Variants in ABHD10 observed in about 807,000 individuals in gnomAD.
ABHD10 encodes abhydrolase domain containing 10, depalmitoylase, also known as palmitoyl-protein thioesterase ABHD10, mitochondrial.
Under a neutral mutation model 33.1 loss-of-function variants are expected in ABHD10, and 22 were observed. The observed-to-expected ratio is 0.66, with a 90% CI of 0.47 to 0.95. The LOEUF is 0.95. Ranked by LOEUF, ABHD10 falls within the 40% of genes least tolerant of loss-of-function variation. ABHD10 has a pLI of 0.00. For synonymous variants in ABHD10, 146 were observed against 133.9 expected (o/e 1.09, Z -0.62); for missense variants, 352 against 379.9 (o/e 0.93, Z 0.61).
intron 4 of ABHD10, among the ~76,000 whole-genome samples, chr3:111,989,901 G>A (rs545791629): frequency 9.5e-4 from 144 of 151,744 alleles, no homozygotes; most frequent in African/African-American, 3.3e-3. Context: ...TATTTTTTAA[G>A]TTCTTGTTTT....
In ABHD10 at chr3:111,979,120, G is replaced by A. The variant is rs748865433; in HGVS notation, c.59G>A (p.Trp20Ter). ...AAWVPCRSWG[W>*]AAVPFGPHRG... The stretch of plus-strand genomic sequence containing the variant: ...TGGGTACCTTGTCGGAGCTGGGGCT[G>A]GGCAGCCGTCCCCTTCGGTCCCCAC... The change falls in exon 1 of 5, where the codon TGG (tryptophan) becomes TAG (stop). Residue 20 changes from tryptophan to a stop codon, truncating the protein, a stop_gained. Transcript: ENST00000273359. LOFTEE classifies it high-confidence loss of function. 4 of 1,613,394 alleles carry A rather than the reference G, an allele frequency of 2.5e-6. No homozygotes were observed. Among genetic ancestry groups the A allele is most frequent in the Non-Finnish European group, 3.4e-6 (4 of 1,179,856 alleles).
At chr3:111,987,245 A>G (rs952069115) in intron 4 of ABHD10, among the ~76,000 whole-genome samples, 194 bp downstream of exon 4, 1 of 152,182 alleles carries the variant, frequency 6.6e-6, no homozygotes, top group Admixed American at 6.5e-5. Context: ...CTTGTTTAAG[A>G]TTTCGTTTCT....
At position 111,991,947 on chromosome 3, in the gene ABHD10, A is replaced by T; in HGVS notation, c.*226A>T. 2.4e-6 allele frequency: 1 copy of T among 415,052 alleles called. No homozygotes were observed. The highest frequency in any genetic ancestry group is 4.3e-5 in the East Asian group (1 of 23,350). The allele number at this position is 415,052 out of a possible 1,614,324, so 25.7% of individuals were successfully genotyped here. A position where few individuals can be genotyped will look rare whatever the true frequency, so the allele number is the denominator to read the frequency against. On this transcript the variant is annotated 3_prime_UTR_variant, in exon 5 of 5. Transcript: ENST00000273359. ...CTTCTGTCCTTGATTTTTTTTCATTAAAGTATTTCCTTTTTTTAATTCAAG... is the reference window on the plus strand; with the variant it reads ...CTTCTGTCCTTGATTTTTTTTCATTTAAGTATTTCCTTTTTTTAATTCAAG...
intron 1 of ABHD10, among the ~76,000 whole-genome samples, chr3:111,980,044 G>A (rs2072561325): frequency 6.6e-6 from 1 of 152,190 alleles, no homozygotes; most frequent in Non-Finnish European, 1.5e-5. Context: ...ATTTCATCTA[G>A]TTAGCACTTA....
At chr3:111,980,960 A>C (rs946614545) in intron 1 of ABHD10, among the ~76,000 whole-genome samples, 1 of 152,126 alleles carries the variant, frequency 6.6e-6, no homozygotes, top group Non-Finnish European at 1.5e-5. Context: ...CTCCTTTGAA[A>C]CAATTTTGCA....
At position 111,991,427 on chromosome 3, in the gene ABHD10, C is replaced by T; in HGVS notation, c.627C>T (p.Tyr209=). ...MKGVWSMPSK[Y]SEEGVYNVQY... is the part of the protein sequence containing the mutation. The stretch of plus-strand genomic sequence containing the variant: ...GTGTGTGGAGCATGCCATCAAAATA[C>T]TCTGAAGAAGGAGTTTATAACGTTC... The change falls in exon 5 of 5, where the codon TAC becomes TAT. Residue 209 remains tyrosine, a synonymous_variant. Coordinates refer to ENST00000273359, the MANE Select transcript of ABHD10 (RefSeq NM_018394.4). The T allele has an allele frequency of 6.2e-7, 1 of 1,613,238 alleles. No homozygotes were observed.
At chr3:111,991,322 T>G in intron 4 of ABHD10, 55 bp from the exon 5 acceptor site, 1 of 1,458,310 alleles carries the variant, frequency 6.9e-7, no homozygotes, top group Non-Finnish European at 9.4e-7. Flanking sequence ...CTATTGCATG[T>G]GTTAATGTTG....
intron 1 of ABHD10, 124 bp downstream of exon 1, chr3:111,979,327 AC>A (rs1489425988): frequency 5.3e-5 from 62 of 1,166,460 alleles, no homozygotes; most frequent in Non-Finnish European, 6.9e-5. Flanking sequence ...CTTTCTCAAC[AC>A]CCCAGTTCTA....
chr3:111,991,128 C>A (rs2072734454), intron 4 of ABHD10, among the ~76,000 whole-genome samples: 1 of 152,048 alleles, frequency 6.6e-6, no homozygotes, highest in Admixed American at 6.6e-5. Flanking sequence ...TTTATCTAAA[C>A]CATAATATCC....
chr3:111,979,314 C>G (rs941064818), intron 1 of ABHD10, 111 bp downstream of exon 1: 1 of 1,299,378 alleles, frequency 7.7e-7, no homozygotes, highest in African/African-American at 1.5e-5. Context: ...AATGCTCCTC[C>G]CCCTTTCTCA....
In ABHD10 at chr3:111,991,813, CTTTCCTCTAT is replaced by C; in HGVS notation, c.*96_*105del. 1 of 1,000,888 alleles carries C rather than the reference CTTTCCTCTAT, an allele frequency of 1.0e-6. No individual in the cohort carries two copies. Among genetic ancestry groups the C allele is most frequent in the Middle Eastern group, 2.3e-4 (1 of 4,344 alleles). The allele number at this position is 1,000,888 out of a possible 1,614,324, so 62.0% of individuals were successfully genotyped here. ...AGATCCTGATACTTTAGGTTTTTCC[CTTTCCTCTAT>C]TTTGTAAATATAAGATGAGTATTAT... On this transcript the variant is annotated 3_prime_UTR_variant, in exon 5 of 5. Coordinates refer to ENST00000273359, the MANE Select transcript of ABHD10 (RefSeq NM_018394.4).
chr3:111,988,775 C>T (rs536681450), intron 4 of ABHD10, among the ~76,000 whole-genome samples: 4 of 151,760 alleles, frequency 2.6e-5, no homozygotes, highest in South Asian at 2.1e-4. Flanking sequence ...TTTTTTGTAG[C>T]GATGGGGTCT....
chr3:111,981,740 C>CT, intron 1 of ABHD10, 44 bp from the exon 2 acceptor site: 3 of 1,434,276 alleles, frequency 2.1e-6, no homozygotes, highest in Non-Finnish European at 2.8e-6. Flanking sequence ...TTTCCAAAGA[C>CT]TGAGTTTACA....
chr3:111,981,701 A>C, intron 1 of ABHD10, 83 bp from the exon 2 acceptor site: 2 of 1,234,186 alleles, frequency 1.6e-6, no homozygotes, highest in Non-Finnish European at 2.2e-6. Context: ...CATTGAGATA[A>C]GAAAGTTAAG....
intron 2 of ABHD10, among the ~76,000 whole-genome samples, chr3:111,984,633 A>T (rs1453447390): frequency 6.6e-6 from 1 of 152,194 alleles, no homozygotes; most frequent in Non-Finnish European, 1.5e-5. Context: ...AAATGACCAG[A>T]ATATAATGGT....
chr3:111,990,396 G>A (rs902940790), intron 4 of ABHD10, among the ~76,000 whole-genome samples: 10 of 151,824 alleles, frequency 6.6e-5, no homozygotes, highest in African/African-American at 2.4e-4. Context: ...GACAAATATT[G>A]GAAGGAAATA....
chr3:111,988,110 AAAG>A (rs2072692945), intron 4 of ABHD10, among the ~76,000 whole-genome samples: 1 of 152,340 alleles, frequency 6.6e-6, no homozygotes, highest in South Asian at 2.1e-4. Flanking sequence ...ATTTAAAAAA[AAAG>A]AAGAAAAAAC....
At chr3:111,984,043 T>A (rs2072621129) in intron 2 of ABHD10, among the ~76,000 whole-genome samples, 1 of 152,172 alleles carries the variant, frequency 6.6e-6, no homozygotes, top group Non-Finnish European at 1.5e-5. Context: ...GTATTTTGCA[T>A]CCTCACCATA....
At chr3:111,989,838 G>T (rs2072719905) in intron 4 of ABHD10, among the ~76,000 whole-genome samples, 1 of 151,348 alleles carries the variant, frequency 6.6e-6, no homozygotes. Context: ...AGTCTTTTTG[G>T]AATTAAAAAT....
Sources: gnomAD v4.1 joint callset for allele counts (sites outside exome capture counted in the v4.1 genomes callset) on GRCh38, gnomAD v4.1.1 for gene constraint, MANE v1.5 for transcripts, NCBI Gene and HGNC (gene_info 2026-07-23, HGNC 2026-07-21) for gene names.